The following UGT1A9 variants were observed in gnomAD, a reference collection of about 807,000 sequenced individuals.
The protein encoded by UGT1A9 is UDP glucuronosyltransferase family 1 member A9, also known as UDP-glucuronosyltransferase 1A9.
Under a neutral mutation model 45.0 loss-of-function variants are expected in UGT1A9, and 35 were observed. The ratio of observed to expected loss-of-function variants is 0.78; its 90% CI spans 0.59 to 1.03. The LOEUF (loss-of-function observed/expected upper bound fraction) is 1.03. Ranked by LOEUF, UGT1A9 falls within the 50% of genes least tolerant of loss-of-function variation. UGT1A9 has a pLI of 0.00. For missense variants in UGT1A9, 687 were observed against 666.6 expected (o/e 1.03, Z -0.34); for synonymous variants, 278 against 250.6 (o/e 1.11, Z -1.03).
chr2:233,718,058 C>A (rs1306003218), intron 1 of UGT1A9: 3 of 356,918 alleles, frequency 8.4e-6, no homozygotes, highest in Admixed American at 3.6e-5. Context: ...CTGAACCCAC[C>A]GTGGGTCCTT....
intron 1 of UGT1A9, chr2:233,744,073 C>T (rs1340911345): frequency 3.6e-5 from 17 of 475,584 alleles, no homozygotes; most frequent in South Asian, 1.4e-4. Flanking sequence ...ATGAGCGCCT[C>T]GCATCCCAAG....
intron 1 of UGT1A9, chr2:233,729,388 G>T: frequency 1.2e-6 from 2 of 1,613,884 alleles, no homozygotes; most frequent in Non-Finnish European, 1.7e-6. Context: ...GACCCAGGAT[G>T]AATTTGATCG....
At chr2:233,688,930 C>T (rs2074919924) in intron 1 of UGT1A9, among the ~76,000 whole-genome samples, 1 of 152,140 alleles carries the variant, frequency 6.6e-6, no homozygotes, top group African/African-American at 2.4e-5. Flanking sequence ...GGGAAGATGG[C>T]AGGTGCAGCA....
chr2:233,717,138 C>T (rs1487946480), intron 1 of UGT1A9, among the ~76,000 whole-genome samples: 1 of 152,228 alleles, frequency 6.6e-6, no homozygotes, highest in Non-Finnish European at 1.5e-5. Context: ...AACACCACTA[C>T]ATGGAAATAG....
In UGT1A9 at chr2:233,740,134, T is replaced by C. The variant is rs143794870; in HGVS notation, c.856-26900T>C. ...CTTATCTCTCACCTTCTGTCATGATTGTAAGTTTCCTGAGGCCTCCCCAGT... is the reference window on the plus strand; with the variant it reads ...CTTATCTCTCACCTTCTGTCATGATCGTAAGTTTCCTGAGGCCTCCCCAGT... On this transcript the variant is annotated intron_variant, in intron 1 of 4. Transcript: ENST00000354728. Among the ~76,000 whole-genome samples the C allele has an allele frequency of 9.1e-3, 1,384 of 152,004 alleles. 51 individuals carry two copies. The highest frequency in any genetic ancestry group is 0.032 in the African/African-American group (1,337 of 41,236).
At chr2:233,687,029 G>A (rs992387137) in intron 1 of UGT1A9, among the ~76,000 whole-genome samples, 2 of 152,202 alleles carry the variant, frequency 1.3e-5, no homozygotes, top group Non-Finnish European at 2.9e-5. Flanking sequence ...GTGGTTCAAT[G>A]TAGTGTTTGA....
intron 1 of UGT1A9, among the ~76,000 whole-genome samples, chr2:233,683,670 A>G (rs181251858): frequency 6.6e-6 from 1 of 152,222 alleles, no homozygotes; most frequent in East Asian, 1.9e-4. Context: ...CATCTTTCTT[A>G]TTAACCTTTA....
intron 1 of UGT1A9, chr2:233,729,725 C>G (rs780989099): frequency 1.1e-5 from 18 of 1,613,850 alleles, no homozygotes; most frequent in Non-Finnish European, 1.4e-5. Context: ...TTACTAACAA[C>G]CAATTCAGAC....
At chr2:233,730,078 T>C (rs1454977100) in intron 1 of UGT1A9, 3 of 1,605,302 alleles carry the variant, frequency 1.9e-6, no homozygotes, top group East Asian at 2.3e-5. Flanking sequence ...GCTTCCATAT[T>C]TACTTATCTT....
chr2:233,764,455 C>T (rs1040568062), intron 1 of UGT1A9, among the ~76,000 whole-genome samples: 13 of 152,170 alleles, frequency 8.5e-5, no homozygotes, highest in African/African-American at 2.7e-4. Context: ...TTTAAACTTT[C>T]GTGATCTCCT....
intron 1 of UGT1A9, chr2:233,713,265 C>G (rs770209123): frequency 1.2e-6 from 2 of 1,614,226 alleles, no homozygotes; most frequent in Non-Finnish European, 1.7e-6. Context: ...ATTTGATCGC[C>G]TTTTGCTGGG....
intron 1 of UGT1A9, chr2:233,743,801 T>C (rs1692515723): frequency 1.5e-6 from 2 of 1,367,278 alleles, no homozygotes; most frequent in Non-Finnish European, 2.0e-6. Context: ...CGCTTCCTCC[T>C]TGTTCTCAGG....
Position 233,672,109 on chromosome 2 carries a change from A to G in UGT1A9, c.175A>G (p.Met59Val), listed in dbSNP as rs199829358. The G allele has an allele frequency of 2.5e-6, 4 of 1,614,054 alleles. No individual in the cohort carries two copies. The highest frequency in any genetic ancestry group is 3.4e-6 in the Non-Finnish European group (4 of 1,180,028). ...ILRGHEVVVV[M>V]PEVSWQLGRS... ...CAGGGGGCATGAGGTGGTTGTAGTC[A>G]TGCCAGAGGTGAGTTGGCAACTGGG... The change falls in exon 1 of 5, where the codon ATG (methionine) becomes GTG (valine). Residue 59 changes from methionine to valine, a missense_variant. Met to Val is a conservative substitution (Grantham distance 21). Transcript: ENST00000354728.
At chr2:233,758,949 A>G (rs1697026086) in intron 1 of UGT1A9, among the ~76,000 whole-genome samples, 1 of 152,184 alleles carries the variant, frequency 6.6e-6, no homozygotes, top group Non-Finnish European at 1.5e-5. Flanking sequence ...AGTCATCAGA[A>G]TTTCCCCAAA....
intron 1 of UGT1A9, chr2:233,691,193 C>T: frequency 1.0e-6 from 1 of 985,666 alleles, no homozygotes; most frequent in Non-Finnish European, 1.2e-6. Flanking sequence ...GAAGGTGGAC[C>T]TGAGCTCTGT....
At chr2:233,757,721 G>A (rs1696705329) in intron 1 of UGT1A9, among the ~76,000 whole-genome samples, 1 of 151,638 alleles carries the variant, frequency 6.6e-6, no homozygotes, top group Non-Finnish European at 1.5e-5. Flanking sequence ...GGAGGGTCCT[G>A]TAGATGATCT....
At chr2:233,711,223 C>T (rs1464133261) in intron 1 of UGT1A9, among the ~76,000 whole-genome samples, 2 of 152,210 alleles carry the variant, frequency 1.3e-5, no homozygotes, top group Non-Finnish European at 2.9e-5. Flanking sequence ...GCTCCCATGT[C>T]GCTGAAGGCA....
intron 1 of UGT1A9, among the ~76,000 whole-genome samples, chr2:233,683,052 C>T (rs1345469025): frequency 6.6e-6 from 1 of 151,670 alleles, no homozygotes; most frequent in Non-Finnish European, 1.5e-5. Context: ...TGGAAAAATA[C>T]AAAAAAACCA....
chr2:233,672,894 A>T, intron 1 of UGT1A9, 105 bp downstream of exon 1: 1 of 1,513,026 alleles, frequency 6.6e-7, no homozygotes, highest in Non-Finnish European at 8.8e-7. Context: ...TTTCATTTCA[A>T]ATTTCTTTCC....
Sources: allele counts gnomAD v4.1 joint callset (sites outside exome capture counted in the v4.1 genomes callset), GRCh38; gene constraint gnomAD v4.1.1; transcripts MANE v1.5; gene names NCBI Gene and HGNC (gene_info 2026-07-23, HGNC 2026-07-21).